The following LYSMD4 variants were observed in gnomAD, a reference collection of about 807,000 sequenced individuals.
LYSMD4 encodes the protein lysM and putative peptidoglycan-binding domain-containing protein 4.
Under a neutral mutation model 6.1 loss-of-function variants are expected in LYSMD4, and 9 were observed. The ratio of observed to expected loss-of-function variants is 1.47; its 90% confidence interval spans 0.88 to 2.56. The LOEUF (loss-of-function observed/expected upper bound fraction) is 2.56, where lower values mean the gene tolerates loss of function less well. Ranked by LOEUF, LYSMD4 falls within the 30% of genes most tolerant of loss-of-function variation. The probability of loss-of-function intolerance (pLI) is 0.00; values close to 1 mark genes in which losing one functional copy is unlikely to be tolerated. For missense variants in LYSMD4, 384 were observed against 373.5 expected, an observed-to-expected ratio of 1.03 and a Z score of -0.23; for synonymous variants, 143 against 148.5, an observed-to-expected ratio of 0.96 and a Z score of 0.27.
intron 1 of LYSMD4, among the ~76,000 whole-genome samples, 159 bp from the exon 2 acceptor site, chr15:99,732,166 G>A (rs1426212291): frequency 6.6e-6 from 1 of 152,156 alleles, no homozygotes; most frequent in African/African-American, 2.4e-5. Flanking sequence ...TGCTTATGCT[G>A]GCTGAGATGG....
At chr15:99,731,089 A>G in intron 2 of LYSMD4, 1 of 1,338,754 alleles carries the variant, frequency 7.5e-7, no homozygotes, top group South Asian at 1.2e-5. Flanking sequence ...AAGGCCATAC[A>G]AATCTGTAGC....
At position 99,716,527 on chromosome 15, in the gene LYSMD4, G is replaced by A. The variant is rs768872108; in HGVS notation, c.271C>T (p.Arg91Cys). 33 of 456,674 alleles carry A rather than the reference G, an allele frequency of 7.2e-5. 1 individual carries two copies. Among genetic ancestry groups the A allele is most frequent in the East Asian group, 1.4e-4 (2 of 14,414 alleles). The allele number at this position is 456,674 out of a possible 1,614,324, so 28.3% of individuals were successfully genotyped here. A position where few individuals can be genotyped will look rare whatever the true frequency, so the allele number is the denominator to read the frequency against. Residue 91 changes from arginine to cysteine, a missense_variant, in exon 1 of 1, where the codon CGC becomes TGC. Coordinates refer to the LYSMD4 transcript ENST00000378904. ...TCATGTTTGCCTGGGGACACAAGGC[G>A]CTGGCTTTGCCACCAGGCAGCCCCT... is the stretch of plus-strand genomic sequence containing the variant.
chr15:99,718,527 C>T (rs1303864932), upstream of LYSMD4, among the ~76,000 whole-genome samples: 2 of 152,198 alleles, frequency 1.3e-5, no homozygotes, highest in South Asian at 2.1e-4. Context: ...AATTCTGCTG[C>T]GAGGAACAGC....
At chr15:99,716,783 A>G (rs779388776) in exon 1 of LYSMD4, 28 of 419,372 alleles carry the variant, frequency 6.7e-5, no homozygotes, top group African/African-American at 2.1e-5. Context: ...AGTGCTGTGG[A>G]TGAGTGGAAT....
chr15:99,729,287 G>C lies in LYSMD4; in HGVS notation c.727C>G (p.Gln243Glu), dbSNP rs770940073. The C allele has an allele frequency of 6.2e-7, 1 of 1,614,076 alleles. No homozygotes were observed. Among genetic ancestry groups the C allele is most frequent in the African/African-American group, 1.3e-5 (1 of 74,936 alleles). The change falls in exon 3 of 3, where the codon CAA becomes GAA. Residue 243 changes from glutamine (Q) to glutamate (E), a missense_variant. Coordinates refer to ENST00000684762, the MANE Select transcript of LYSMD4 (RefSeq NM_001284417.2). Reference protein sequence around the residue: ...PVFYLVYFKIQASGETPNSLN... With the variant: ...PVFYLVYFKIEASGETPNSLN... ...CTATTAGGGGTCTCACCACTAGCTT[G>C]TATTTTAAAGTAGACCAAATAAAAG...
chr15:99,733,110 G>A (rs2059462101), intron 1 of LYSMD4: 4 of 364,522 alleles, frequency 1.1e-5, no homozygotes, highest in Non-Finnish European at 9.8e-6. Context: ...GGCTCCACGG[G>A]CGGGGCCCTA....
intron 1 of LYSMD4, 59 bp from the exon 2 acceptor site, chr15:99,732,066 C>A (rs2141141039): frequency 6.8e-7 from 1 of 1,474,068 alleles, no homozygotes; most frequent in Admixed American, 2.2e-5. Context: ...TCCACCGCCT[C>A]GTTTAAAGAG....
downstream of LYSMD4, among the ~76,000 whole-genome samples, chr15:99,724,404 G>A (rs2059261505): frequency 6.6e-6 from 1 of 152,222 alleles, no homozygotes; most frequent in African/African-American, 2.4e-5. Context: ...GGGACTACAG[G>A]CGCATGCTAC....
At chr15:99,732,554 ACTC>A (rs1240305830) in intron 1 of LYSMD4, among the ~76,000 whole-genome samples, 1 of 152,156 alleles carries the variant, frequency 6.6e-6, no homozygotes, top group Non-Finnish European at 1.5e-5. Flanking sequence ...TACGGGGAGA[ACTC>A]ATGCCTGTCA....
At chr15:99,733,131 G>C in intron 1 of LYSMD4, 1 of 368,698 alleles carries the variant, frequency 2.7e-6, no homozygotes, top group Non-Finnish European at 4.8e-6. Context: ...ACATTCCAGA[G>C]GGCAGAACCT....
At chr15:99,722,733 C>A (rs2059246663), downstream of LYSMD4, among the ~76,000 whole-genome samples, 1 of 152,016 alleles carries the variant, frequency 6.6e-6, no homozygotes, top group African/African-American at 2.4e-5. Context: ...TTAAAAAGAC[C>A]TGTAGTAAAA....
chr15:99,721,216 G>C (rs1317219977), upstream of LYSMD4, among the ~76,000 whole-genome samples: 1 of 152,182 alleles, frequency 6.6e-6, no homozygotes, highest in African/African-American at 2.4e-5. Context: ...CATCAGTGGA[G>C]GAAAGGAAGC....
chr15:99,733,049 TCAA>T (rs2059459208), intron 1 of LYSMD4: 2 of 314,066 alleles, frequency 6.4e-6, no homozygotes, highest in Non-Finnish European at 1.2e-5. Flanking sequence ...ATGGGGCACC[TCAA>T]CAAGAGCTGA....
chr15:99,716,236 CAAG>C (rs1192038887), exon 1 of LYSMD4: 1 of 279,832 alleles, frequency 3.6e-6, no homozygotes, highest in Non-Finnish European at 7.2e-6. Flanking sequence ...ACAGTTCACA[CAAG>C]AAGCTGTACA....
chr15:99,726,105 C>T (rs1266091574), downstream of LYSMD4, among the ~76,000 whole-genome samples: 2 of 148,238 alleles, frequency 1.3e-5, no homozygotes, highest in Non-Finnish European at 3.0e-5. Context: ...GCTCGTTGGG[C>T]CTTTCCCACA....
chr15:99,727,689 G>C lies in LYSMD4; in HGVS notation c.*1434C>G, dbSNP rs1264914622. 3.3e-5 allele frequency: 5 copies of C among 152,214 alleles called. No homozygotes were observed. Among genetic ancestry groups the C allele is most frequent in the African/African-American group, 1.2e-4 (5 of 41,452 alleles). The allele number at this position is 152,214 out of a possible 1,614,324, so 9.4% of individuals were successfully genotyped here. A position where few individuals can be genotyped will look rare whatever the true frequency, so the allele number is the denominator to read the frequency against. On this transcript the variant is annotated 3_prime_UTR_variant, in exon 3 of 3. Transcript: ENST00000684762. ...TTTAAGATTGAAGATGATTTAATTT[G>C]CTAATGGAACCCAGGCCAGCTGTTT...
Position 99,729,625 on chromosome 15 carries a change from T to C in LYSMD4, c.389A>G (p.His130Arg). ...GCTCAGAAGGGGTTTCAGTTCTTTG[T>C]GGGTCTCCATCAGGATCCCATGGTT... ...VRNHGILMET[H>R]KELKPLLSPS... The change falls in exon 3 of 3, where the codon CAC (histidine) becomes CGC (arginine). Residue 130 changes from histidine to arginine, a missense_variant. By Grantham distance (29) the His-to-Arg change is conservative. Transcript: ENST00000684762. The C allele has an allele frequency of 8.1e-6, 13 of 1,614,182 alleles. No homozygotes were observed. The highest frequency in any genetic ancestry group is 1.1e-5 in the Non-Finnish European group (13 of 1,180,040).
At chr15:99,725,988 T>C (rs1455885384), downstream of LYSMD4, among the ~76,000 whole-genome samples, 2 of 151,934 alleles carry the variant, frequency 1.3e-5, no homozygotes, top group African/African-American at 4.8e-5. Context: ...TGGGTGAGCA[T>C]ATAAAGCTCT....
At position 99,729,800 on chromosome 15, in the gene LYSMD4, G is replaced by C. The variant is rs181868375; in HGVS notation, c.283-69C>G. ...CTTAAAAATAACTTTCCAAAAAGTG[G>C]CTCTTAATCTTTCTGGGTGATGATT... is the stretch of plus-strand genomic sequence containing the variant. On this transcript the variant is annotated intron_variant, in intron 2 of 2. Coordinates refer to ENST00000684762, the MANE Select transcript of LYSMD4 (RefSeq NM_001284417.2). 2.0e-4 allele frequency: 300 copies of C among 1,501,772 alleles called. 1 individual carries two copies. In the East Asian group the frequency reaches 6.0e-3, roughly 30 times the overall value. The allele number at this position is 1,501,772 out of a possible 1,614,324, so 93.0% of individuals were successfully genotyped here.
Sources: allele counts gnomAD v4.1 joint callset (sites outside exome capture counted in the v4.1 genomes callset), GRCh38; gene constraint gnomAD v4.1.1; transcripts MANE v1.5; gene names NCBI Gene and HGNC (gene_info 2026-07-23, HGNC 2026-07-21).